The following SCHIP1 variants were observed in gnomAD, a reference collection of about 807,000 sequenced individuals.
SCHIP1 encodes the protein schwannomin interacting protein 1, also known as schwannomin-interacting protein 1.
SCHIP1 carries 8 observed loss-of-function variants against 29.7 expected under a neutral mutation model. The ratio of observed to expected loss-of-function variants is 0.27; its 90% CI spans 0.16 to 0.49. The LOEUF is 0.49. SCHIP1 is among the 20% of genes least tolerant of loss of function. The pLI is 0.99. For missense variants in SCHIP1, 193 were observed against 294.6 expected (o/e 0.66, Z 2.52); for synonymous variants, 76 against 94.9 (o/e 0.80, Z 1.16).
chr3:159,757,409 A>C, the SCHIP1 span, among the ~76,000 whole-genome samples: 1 of 152,180 alleles, frequency 6.6e-6, no homozygotes, highest in African/African-American at 2.4e-5. Flanking sequence ...AGCTGCCCCC[A>C]TGATTCAATC....
At chr3:159,793,100 G>A in the SCHIP1 span, among the ~76,000 whole-genome samples, 8 of 152,062 alleles carry the variant, frequency 5.3e-5, no homozygotes, top group Admixed American at 2.0e-4. Context: ...GTTAATATGC[G>A]ACAGGATTCT....
the SCHIP1 span, among the ~76,000 whole-genome samples, chr3:159,672,705 G>A: frequency 6.6e-6 from 1 of 152,172 alleles, no homozygotes; most frequent in Non-Finnish European, 1.5e-5. Flanking sequence ...TGTCATTACT[G>A]CCAAGGTTGA....
chr3:159,620,932 G>A, the SCHIP1 span, among the ~76,000 whole-genome samples: 94 of 152,198 alleles, frequency 6.2e-4, no homozygotes, highest in African/African-American at 2.1e-3. Flanking sequence ...CCTGACAGTC[G>A]GATTGTAGCT....
chr3:159,649,169 C>T, the SCHIP1 span, among the ~76,000 whole-genome samples: 6 of 152,228 alleles, frequency 3.9e-5, no homozygotes, highest in Admixed American at 6.5e-5. Context: ...ATGTCATTTG[C>T]TTCCATTGCT....
chr3:159,888,829 A>T, exon 5 of SCHIP1: 1 of 1,613,980 alleles, frequency 6.2e-7, no homozygotes, highest in Non-Finnish European at 8.5e-7. Context: ...GCTGCCACAC[A>T]TGCCTCATAT....
chr3:159,294,397 G>C, the SCHIP1 span, among the ~76,000 whole-genome samples: 1 of 152,152 alleles, frequency 6.6e-6, no homozygotes, highest in Non-Finnish European at 1.5e-5. Context: ...CTGCCAACGA[G>C]ATGCTTTAAA....
chr3:159,734,888 T>C, the SCHIP1 span, among the ~76,000 whole-genome samples: 2 of 151,666 alleles, frequency 1.3e-5, no homozygotes, highest in African/African-American at 4.9e-5. Flanking sequence ...TAGCTCAGCT[T>C]TAGGACTACA....
the SCHIP1 span, among the ~76,000 whole-genome samples, chr3:159,812,117 C>T: frequency 1.5e-4 from 23 of 151,726 alleles, no homozygotes; most frequent in African/African-American, 5.1e-4. Flanking sequence ...ATTACAGACA[C>T]GTGCTACCAT....
At chr3:159,715,486 A>T in the SCHIP1 span, among the ~76,000 whole-genome samples, 1 of 152,238 alleles carries the variant, frequency 6.6e-6, no homozygotes, top group Non-Finnish European at 1.5e-5. Flanking sequence ...CCCATCGCAA[A>T]GAAGCTAAAA....
the SCHIP1 span, among the ~76,000 whole-genome samples, chr3:159,427,657 C>G: frequency 1.3e-5 from 2 of 150,748 alleles, no homozygotes; most frequent in Admixed American, 1.3e-4. Flanking sequence ...CCCCATCAAG[C>G]TACCAATGAC....
chr3:159,706,054 T>C, the SCHIP1 span, among the ~76,000 whole-genome samples: 21 of 152,260 alleles, frequency 1.4e-4, 1 homozygote, highest in African/African-American at 4.8e-4. Context: ...AGGAGCTATG[T>C]AGGAGCTTTC....
chr3:159,814,706 A>G, the SCHIP1 span, among the ~76,000 whole-genome samples: 1 of 152,146 alleles, frequency 6.6e-6, no homozygotes, highest in Non-Finnish European at 1.5e-5. Flanking sequence ...TCTCATCTTC[A>G]CTGCCAACTG....
At chr3:159,277,533 C>T in the SCHIP1 span, among the ~76,000 whole-genome samples, 16 of 151,232 alleles carry the variant, frequency 1.1e-4, no homozygotes, top group African/African-American at 3.6e-4. Context: ...AACCAATTTA[C>T]TGACCCCTGG....
chr3:159,283,451 C>T, the SCHIP1 span, among the ~76,000 whole-genome samples: 20 of 152,026 alleles, frequency 1.3e-4, 1 homozygote, highest in Admixed American at 3.9e-4. Context: ...CCATCATGCC[C>T]GGCATATTTT....
chr3:159,796,544 A>C, the SCHIP1 span, among the ~76,000 whole-genome samples: 1 of 152,224 alleles, frequency 6.6e-6, no homozygotes, highest in Non-Finnish European at 1.5e-5. Context: ...TGACTGGAGC[A>C]ATGACATCTG....
At chr3:159,317,832 C>CAAT in the SCHIP1 span, among the ~76,000 whole-genome samples, 172 of 152,160 alleles carry the variant, frequency 1.1e-3, no homozygotes, top group Non-Finnish European at 2.1e-3. Flanking sequence ...GCATTATGTG[C>CAAT]AGGATAGGCA....
the SCHIP1 span, among the ~76,000 whole-genome samples, chr3:159,638,620 A>C: frequency 2.6e-5 from 4 of 151,744 alleles, no homozygotes; most frequent in Non-Finnish European, 4.4e-5. Flanking sequence ...TAGAGGAAAA[A>C]AAAAAAAAAA....
the SCHIP1 span, among the ~76,000 whole-genome samples, chr3:159,384,450 G>A: frequency 6.8e-6 from 1 of 146,700 alleles, no homozygotes; most frequent in Non-Finnish European, 1.5e-5. Context: ...TGCATCCCAG[G>A]GATGAAGCCC....
the SCHIP1 span, among the ~76,000 whole-genome samples, chr3:159,423,414 C>G: frequency 5.3e-5 from 8 of 152,230 alleles, no homozygotes; most frequent in African/African-American, 1.4e-4. Context: ...TATCGCACAC[C>G]TGGCTCAGAG....
Sources: allele counts gnomAD v4.1 joint callset (sites outside exome capture counted in the v4.1 genomes callset), GRCh38; gene constraint gnomAD v4.1.1; transcripts MANE v1.5; gene names NCBI Gene and HGNC (gene_info 2026-07-23, HGNC 2026-07-21).